SH3BP4: variants seen among roughly 807,000 people sequenced by gnomAD.
SH3BP4 encodes the protein SH3 domain-binding protein 4.
A neutral mutation model predicts 65.5 loss-of-function variants in SH3BP4; 33 were observed. The ratio of observed to expected loss-of-function variants is 0.50; its 90% CI spans 0.38 to 0.67. The LOEUF (loss-of-function observed/expected upper bound fraction) is 0.67, where lower values mean the gene tolerates loss of function less well. Ranked by LOEUF, SH3BP4 falls within the 30% of genes least tolerant of loss-of-function variation. SH3BP4 has a pLI of 0.00. For synonymous variants in SH3BP4, 552 were observed against 545.5 expected (o/e 1.01, Z -0.17); for missense variants, 1,134 against 1,261.4 (o/e 0.90, Z 1.53).
At chr2:235,010,091 G>A (rs1260063553) in intron 2 of SH3BP4, among the ~76,000 whole-genome samples, 1 of 122,200 alleles carries the variant, frequency 8.2e-6, no homozygotes, top group African/African-American at 2.5e-5. Flanking sequence ...ACTACTGAGG[G>A]TGTATCATCC....
At chr2:235,018,674 G>A (rs1053879128) in intron 2 of SH3BP4, among the ~76,000 whole-genome samples, 3 of 152,144 alleles carry the variant, frequency 2.0e-5, no homozygotes, top group Non-Finnish European at 4.4e-5. Context: ...GGGTGCTCTG[G>A]GGGTCCCCTT....
intron 1 of SH3BP4, among the ~76,000 whole-genome samples, chr2:234,972,414 G>C (rs1693028737): frequency 6.6e-6 from 1 of 152,040 alleles, no homozygotes; most frequent in Non-Finnish European, 1.5e-5. Context: ...AAGCATGGTG[G>C]CTCATACCTG....
Position 235,053,934 on chromosome 2 carries a change from C to A in SH3BP4, c.*118C>A. ...GGCGGCTGCTCAGACAGATTTAGGGCCCGCCAGCTAGGCTACACCCATCAT... is the reference window on the plus strand; with the variant it reads ...GGCGGCTGCTCAGACAGATTTAGGGACCGCCAGCTAGGCTACACCCATCAT... On this transcript the variant is annotated 3_prime_UTR_variant, in exon 6 of 6. Coordinates refer to ENST00000392011, the MANE Select transcript of SH3BP4 (RefSeq NM_014521.3). The A allele has an allele frequency of 1.3e-6, 1 of 783,850 alleles. No individual in the cohort carries two copies. The highest frequency in any genetic ancestry group is 2.1e-6 in the Non-Finnish European group (1 of 479,368). 48.6% of individuals were successfully genotyped at this position (783,850 alleles called of 1,614,324 possible). A position where few individuals can be genotyped will look rare whatever the true frequency, so the allele number is the denominator to read the frequency against.
chr2:235,031,872 G>A (rs931218635), intron 2 of SH3BP4, among the ~76,000 whole-genome samples: 3 of 152,274 alleles, frequency 2.0e-5, no homozygotes, highest in African/African-American at 7.2e-5. Flanking sequence ...CCAGATGCCT[G>A]ATGCCCATCT....
chr2:234,971,807 CTT>C (rs1440872050), intron 1 of SH3BP4, among the ~76,000 whole-genome samples: 1 of 151,974 alleles, frequency 6.6e-6, no homozygotes, highest in East Asian at 1.9e-4. Flanking sequence ...TAAAGTTTTC[CTT>C]TTTCTTTTTT....
intron 1 of SH3BP4, among the ~76,000 whole-genome samples, chr2:234,962,127 G>A (rs974467654): frequency 6.6e-6 from 1 of 152,094 alleles, no homozygotes; most frequent in Non-Finnish European, 1.5e-5. Flanking sequence ...TGTTCCTTGT[G>A]ATTTTCTTTC....
chr2:235,040,773 T>C (rs1489962592), intron 3 of SH3BP4, 115 bp from the exon 4 acceptor site: 2 of 878,084 alleles, frequency 2.3e-6, no homozygotes, highest in Non-Finnish European at 3.6e-6. Flanking sequence ...TGTTGGTGAC[T>C]TGCCTGGGTT....
At chr2:235,016,437 T>C (rs1694686302) in intron 2 of SH3BP4, among the ~76,000 whole-genome samples, 2 of 152,190 alleles carry the variant, frequency 1.3e-5, no homozygotes, top group Non-Finnish European at 2.9e-5. Context: ...CTGGTGATGC[T>C]GAATGCTAAG....
At chr2:235,044,962 G>A (rs1470522089) in intron 4 of SH3BP4, among the ~76,000 whole-genome samples, 1 of 152,210 alleles carries the variant, frequency 6.6e-6, no homozygotes, top group Admixed American at 6.5e-5. Flanking sequence ...CTGCACTTGG[G>A]TGGGGAGGAA....
chr2:235,048,074 C>T (rs1283939392), intron 4 of SH3BP4, among the ~76,000 whole-genome samples: 1 of 152,126 alleles, frequency 6.6e-6, no homozygotes, highest in African/African-American at 2.4e-5. Flanking sequence ...AGAAGACCCA[C>T]TTTAACCTCC....
chr2:234,974,278 T>A lies in SH3BP4; in HGVS notation c.-206-21025T>A, dbSNP rs1437689208. Among the ~76,000 whole-genome samples, 9 of 152,064 alleles carry A rather than the reference T, an allele frequency of 5.9e-5. No individual in the cohort carries two copies. Among genetic ancestry groups the A allele is most frequent in the African/African-American group, 2.2e-4 (9 of 41,470 alleles). ...TACTCAGGAGGCTGAAGCAGGAGAA[T>A]CACTTGAACCCGGGAGGCTGGGGTT... On this transcript the variant is annotated intron_variant, in intron 1 of 5. Transcript: ENST00000392011. This position sits in a 1 kb window ranked among gnomAD's most constrained non-coding sequence, Gnocchi z 4.6.
chr2:235,030,948 AC>A lies in SH3BP4; in HGVS notation c.-132-3919del, dbSNP rs1201773740. Reference sequence around the variant, plus strand: ...CGGACAGGGGGCACCTCTGTTACTCACCCCTGAATGTCTGGATGGGTGTTAC... The same window carrying A: ...CGGACAGGGGGCACCTCTGTTACTCACCCTGAATGTCTGGATGGGTGTTAC... On this transcript the variant is annotated intron_variant, in intron 2 of 5. Transcript: ENST00000392011. The surrounding 1 kb of genome is among the most constrained non-coding windows in gnomAD (Gnocchi z 4.1). 6.6e-6 allele frequency among the ~76,000 whole-genome samples: 1 copy of A among 151,908 alleles called. No homozygotes were observed. The highest frequency in any genetic ancestry group is 2.4e-5 in the African/African-American group (1 of 41,352).
At chr2:235,011,501 C>T (rs755627273) in intron 2 of SH3BP4, among the ~76,000 whole-genome samples, 1 of 152,204 alleles carries the variant, frequency 6.6e-6, no homozygotes, top group Non-Finnish European at 1.5e-5. Flanking sequence ...GGAGTTAGGA[C>T]TTGAACACAT....
chr2:235,010,667 G>A (rs1022996332), intron 2 of SH3BP4, among the ~76,000 whole-genome samples: 4 of 152,196 alleles, frequency 2.6e-5, no homozygotes, highest in Admixed American at 6.5e-5. Context: ...ACAGTCTGGA[G>A]GCTGGAGCCT....
rs2106333667 is a variant in SH3BP4 at position 235,041,550 on chromosome 2, A to T, written c.781A>T (p.Thr261Ser). The T allele has an allele frequency of 6.2e-7, 1 of 1,614,100 alleles. No homozygotes were observed. Among genetic ancestry groups the T allele is most frequent in the Non-Finnish European group, 8.5e-7 (1 of 1,180,020 alleles). Reference protein sequence around the residue: ...SVLQAKSDAPTSSSFFTGLKS... With the variant: ...SVLQAKSDAPSSSSFFTGLKS... ...CCTCCAAGCCAAGTCCGATGCTCCC[A>T]CATCGTCGAGTTTCTTCACCGGCTT... The change falls in exon 4 of 6, where the codon ACA (threonine) becomes TCA (serine). Residue 261 changes from threonine (T) to serine (S), a missense_variant. Transcript: ENST00000392011. This position sits in a 1 kb window ranked among gnomAD's most constrained non-coding sequence, Gnocchi z 6.0.
At chr2:235,048,205 T>C (rs1166037671) in intron 4 of SH3BP4, among the ~76,000 whole-genome samples, 1 of 152,136 alleles carries the variant, frequency 6.6e-6, no homozygotes, top group Non-Finnish European at 1.5e-5. Context: ...GATGGGCCCA[T>C]TGTCCAGATG....
Position 234,974,513 on chromosome 2 carries a change from T to G in SH3BP4, c.-206-20790T>G, listed in dbSNP as rs1209178162. Among the ~76,000 whole-genome samples, 2 of 152,198 alleles carry G rather than the reference T, an allele frequency of 1.3e-5. No homozygotes were observed. Among genetic ancestry groups the G allele is most frequent in the East Asian group, 3.9e-4 (2 of 5,188 alleles). Reference sequence around the variant, plus strand: ...AGCCCTGGAGCTAACAGGAGTATCCTGCATCCCACCACAGGATGTGCTGAG... The same window carrying G: ...AGCCCTGGAGCTAACAGGAGTATCCGGCATCCCACCACAGGATGTGCTGAG... On this transcript the variant is annotated intron_variant, in intron 1 of 5. Coordinates refer to ENST00000392011, the MANE Select transcript of SH3BP4 (RefSeq NM_014521.3). This position sits in a 1 kb window ranked among gnomAD's most constrained non-coding sequence, Gnocchi z 4.6.
In SH3BP4 at chr2:235,052,838, C is replaced by T. The variant is rs1696105469; in HGVS notation, c.2667+88C>T. Reference sequence around the variant, plus strand: ...GCAGTGCAGCCATAAAAAGTCTTGCCTCGCGGCATTTCTGTGAGGGTGCAA... The same window carrying T: ...GCAGTGCAGCCATAAAAAGTCTTGCTTCGCGGCATTTCTGTGAGGGTGCAA... On this transcript the variant is annotated intron_variant, in intron 5 of 5. Transcript: ENST00000392011. The surrounding 1 kb of genome is among the most constrained non-coding windows in gnomAD (Gnocchi z 5.0). The T allele has an allele frequency of 6.9e-6, 9 of 1,300,270 alleles. No individual in the cohort carries two copies. Among genetic ancestry groups the T allele is most frequent in the Non-Finnish European group, 8.3e-6 (8 of 961,310 alleles). The allele number at this position is 1,300,270 out of a possible 1,614,324, so 80.5% of individuals were successfully genotyped here. A position where few individuals can be genotyped will look rare whatever the true frequency, so the allele number is the denominator to read the frequency against.
In SH3BP4 at chr2:235,041,848, T is replaced by A; in HGVS notation, c.1079T>A (p.Leu360Gln). ...ETQQISMKALLDPPLELNSDR... is the reference protein window; with the variant it reads ...ETQQISMKALQDPPLELNSDR... ...CAGCAGATCTCCATGAAAGCCCTGC[T>A]GGACCCCCCGCTGGAGCTCAACAGT... Residue 360 changes from leucine to glutamine, a missense_variant, in exon 4 of 6, where the codon CTG becomes CAG. Leu to Gln is a moderately radical substitution (Grantham distance 113). Transcript: ENST00000392011. This position sits in a 1 kb window ranked among gnomAD's most constrained non-coding sequence, Gnocchi z 6.0. 6.2e-7 allele frequency: 1 copy of A among 1,607,006 alleles called. No individual in the cohort carries two copies. The highest frequency in any genetic ancestry group is 1.1e-5 in the South Asian group (1 of 90,576).
Sources: allele counts gnomAD v4.1 joint callset (sites outside exome capture counted in the v4.1 genomes callset), GRCh38; gene constraint gnomAD v4.1.1; non-coding constraint Gnocchi (gnomAD v3.1); transcripts MANE v1.5; gene names NCBI Gene and HGNC (gene_info 2026-07-23, HGNC 2026-07-21).